Variants in CLRN1 observed in about 807,000 individuals in gnomAD.
The protein encoded by CLRN1 is clarin-1.
A neutral mutation model predicts 18.7 loss-of-function variants in CLRN1; 15 were observed. The observed-to-expected ratio is 0.80, with a 90% confidence interval of 0.54 to 1.23. The LOEUF (loss-of-function observed/expected upper bound fraction) is 1.23. Ranked by LOEUF, CLRN1 falls within the 50% of genes most tolerant of loss-of-function variation. The probability of loss-of-function intolerance (pLI) is 0.00; values close to 1 mark genes in which losing one functional copy is unlikely to be tolerated. For missense variants in CLRN1, 311 were observed against 277.5 expected (o/e 1.12, Z -0.86); for synonymous variants, 104 against 102.9 (o/e 1.01, Z -0.07).
rs142813800 is a variant in CLRN1 at position 150,959,902 on chromosome 3, A to T, written c.253+12554T>A. ...TATCTCTTATCCTACAAATCTTAAA[A>T]ATCCTAGTAAATTCAACCTAAGTCT... On this transcript the variant is annotated intron_variant, in intron 1 of 2. Coordinates refer to ENST00000327047, the MANE Select transcript of CLRN1 (RefSeq NM_174878.3). Among the ~76,000 whole-genome samples, 5 of 152,270 alleles carry T rather than the reference A, an allele frequency of 3.3e-5. No individual in the cohort carries two copies. The East Asian group carries it at 9.6e-4, about 29-fold the overall frequency.
chr3:150,961,954 T>C (rs1715060135), intron 1 of CLRN1, among the ~76,000 whole-genome samples: 1 of 152,230 alleles, frequency 6.6e-6, no homozygotes, highest in African/African-American at 2.4e-5. Flanking sequence ...CCTGATGGTA[T>C]GATAAAACCA....
Position 150,951,888 on chromosome 3 carries a change from C to T in CLRN1, c.254-10127G>A, listed in dbSNP as rs114038743. Among the ~76,000 whole-genome samples, 1,035 of 152,272 alleles carry T rather than the reference C, an allele frequency of 6.8e-3. 17 individuals are homozygous for T. Among genetic ancestry groups the T allele is most frequent in the African/African-American group, 0.024 (979 of 41,540 alleles). On this transcript the variant is annotated intron_variant, in intron 1 of 2. Transcript: ENST00000327047. Reference sequence around the variant, plus strand: ...GTACCAAGGGGGGACCGTGCTAAACCATTCATAAGAACTCTGCCCCCATGA... The same window carrying T: ...GTACCAAGGGGGGACCGTGCTAAACTATTCATAAGAACTCTGCCCCCATGA...
chr3:150,946,657 T>G (rs1576635169), intron 1 of CLRN1, among the ~76,000 whole-genome samples: 1 of 151,822 alleles, frequency 6.6e-6, no homozygotes, highest in African/African-American at 2.4e-5. Context: ...AAATGTAATG[T>G]ATGGCTATTG....
rs745370796 is a variant in CLRN1 at position 150,927,142 on chromosome 3, G to A, written c.*794C>T. 7.3e-6 allele frequency: 5 copies of A among 680,334 alleles called. No individual in the cohort carries two copies. Among genetic ancestry groups the A allele is most frequent in the South Asian group, 4.5e-5 (3 of 66,828 alleles). 42.1% of individuals were successfully genotyped at this position (680,334 alleles called of 1,614,324 possible). A position where few individuals can be genotyped will look rare whatever the true frequency, so the allele number is the denominator to read the frequency against. On this transcript the variant is annotated 3_prime_UTR_variant, in exon 3 of 3. Coordinates refer to ENST00000327047, the MANE Select transcript of CLRN1 (RefSeq NM_174878.3). ...AATTATGTTCATTGAAAGTACTGTC[G>A]TGAATGTAATTGGGACTCAGGCACG...
chr3:150,968,020 A>C (rs971256530), intron 1 of CLRN1, among the ~76,000 whole-genome samples: 1 of 152,212 alleles, frequency 6.6e-6, no homozygotes, highest in African/African-American at 2.4e-5. Flanking sequence ...CCAAATTAAA[A>C]TGCTTTTCAA....
At chr3:150,952,020 G>C (rs1714508265) in intron 1 of CLRN1, among the ~76,000 whole-genome samples, 2 of 152,148 alleles carry the variant, frequency 1.3e-5, no homozygotes. Flanking sequence ...CTGTTTGGAA[G>C]ACTGTGGTAG....
chr3:150,958,158 A>G (rs1714847314), intron 1 of CLRN1, among the ~76,000 whole-genome samples: 1 of 152,184 alleles, frequency 6.6e-6, no homozygotes, highest in South Asian at 2.1e-4. Flanking sequence ...GATTAAAAAT[A>G]ATTTCATATT....
intron 1 of CLRN1, among the ~76,000 whole-genome samples, chr3:150,948,277 G>A (rs1312943933): frequency 3.3e-5 from 5 of 151,970 alleles, no homozygotes; most frequent in African/African-American, 9.7e-5. Context: ...GAGGTCAGGA[G>A]ATCGAGACCA....
At chr3:150,943,024 A>G (rs1299099341) in intron 1 of CLRN1, among the ~76,000 whole-genome samples, 41 of 152,188 alleles carry the variant, frequency 2.7e-4, no homozygotes, top group Non-Finnish European at 1.5e-5. Flanking sequence ...AAGCCCAGAA[A>G]AGATGACTCC....
chr3:150,959,500 G>T (rs1714920908), intron 1 of CLRN1, among the ~76,000 whole-genome samples: 1 of 151,866 alleles, frequency 6.6e-6, no homozygotes, highest in South Asian at 2.1e-4. Flanking sequence ...GCAGTGATGG[G>T]CCCCTATAGT....
intron 2 of CLRN1, among the ~76,000 whole-genome samples, chr3:150,936,932 G>A (rs1404087156): frequency 1.3e-5 from 2 of 152,050 alleles, no homozygotes; most frequent in East Asian, 3.9e-4. Context: ...TTCCTTCTTA[G>A]CTTTAGAACT....
At chr3:150,926,532 G>A (rs1234276749), downstream of CLRN1, 2 of 498,038 alleles carry the variant, frequency 4.0e-6, no homozygotes, top group Non-Finnish European at 7.3e-6. Flanking sequence ...TCTAGAAATT[G>A]TCCAGGTGTA....
chr3:150,972,897 T>C (rs1171526563), upstream of CLRN1: 3 of 760,326 alleles, frequency 3.9e-6, no homozygotes, highest in African/African-American at 3.4e-5. Context: ...TCATCACTCA[T>C]ACTTGGCTTT....
At chr3:150,948,957 C>T (rs1305951325) in intron 1 of CLRN1, among the ~76,000 whole-genome samples, 2 of 152,158 alleles carry the variant, frequency 1.3e-5, no homozygotes, top group Non-Finnish European at 2.9e-5. Flanking sequence ...CAAAAATCCT[C>T]AACAAAATAC....
intron 2 of CLRN1, among the ~76,000 whole-genome samples, chr3:150,932,202 C>G (rs1219519712): frequency 6.6e-6 from 1 of 152,172 alleles, no homozygotes; most frequent in African/African-American, 2.4e-5. Flanking sequence ...TCTCCTCTGA[C>G]AGCTGTCTGA....
chr3:150,937,338 T>C (rs1713554004), intron 2 of CLRN1, among the ~76,000 whole-genome samples: 1 of 152,204 alleles, frequency 6.6e-6, no homozygotes, highest in Non-Finnish European at 1.5e-5. Context: ...TGGCACATAA[T>C]GGGCACTCAG....
chr3:150,941,836 ATC>A (rs1713866218), intron 1 of CLRN1, 75 bp from the exon 2 acceptor site: 1 of 1,325,910 alleles, frequency 7.5e-7, no homozygotes. Flanking sequence ...TAAAAATCAA[ATC>A]TCTCTTTTTT....
chr3:150,953,323 T>C (rs939140422), intron 1 of CLRN1, among the ~76,000 whole-genome samples: 4 of 152,142 alleles, frequency 2.6e-5, no homozygotes, highest in Non-Finnish European at 4.4e-5. Context: ...GTCTGTGCGT[T>C]CAGAATTACC....
intron 2 of CLRN1, among the ~76,000 whole-genome samples, chr3:150,936,098 C>A (rs1465504960): frequency 6.6e-6 from 1 of 151,980 alleles, no homozygotes; most frequent in African/African-American, 2.4e-5. Flanking sequence ...TGTGGGTTGC[C>A]TGTTCACTCT....
Sources: allele counts gnomAD v4.1 joint callset (sites outside exome capture counted in the v4.1 genomes callset), GRCh38; gene constraint gnomAD v4.1.1; transcripts MANE v1.5; gene names NCBI Gene and HGNC (gene_info 2026-07-23, HGNC 2026-07-21).